The following SI variants were observed in gnomAD, a reference collection of about 807,000 sequenced individuals.
The protein encoded by SI is sucrase-isomaltase, intestinal.
Under a neutral mutation model 253.3 loss-of-function variants are expected in SI, and 235 were observed. The ratio of observed to expected loss-of-function variants is 0.93; its 90% CI spans 0.83 to 1.03. The LOEUF is 1.03. Among genes scored for constraint, SI ranks in the 50% least tolerant of loss-of-function variants. The pLI is 0.00. For synonymous variants in SI, 819 were observed against 712.0 expected (o/e 1.15, Z -2.39); for missense variants, 2,442 against 2,211.1 (o/e 1.10, Z -2.09).
rs368407177 is a variant in SI at position 165,018,010 on chromosome 3, G to T, written c.3480C>A (p.Gly1160=). 2 of 1,611,648 alleles carry T rather than the reference G, an allele frequency of 1.2e-6. No homozygotes were observed. Among genetic ancestry groups the T allele is most frequent in the African/African-American group, 2.7e-5 (2 of 74,814 alleles). Residue 1160 remains glycine (G), a synonymous_variant, in exon 29 of 48, where the codon GGC becomes GGA. Transcript: ENST00000264382. ...TGAGTAAGAAAACACCATGAGCATTGCCCTCCTCTTCCAGAGCCATGTAAT... is the reference window on the plus strand; with the variant it reads ...TGAGTAAGAAAACACCATGAGCATTTCCCTCCTCTTCCAGAGCCATGTAAT... ...HPYYMALEEE[G]NAHGVFLLNS...
intron 37 of SI, among the ~76,000 whole-genome samples, chr3:165,006,499 A>T (rs2108154218): frequency 6.6e-6 from 1 of 152,310 alleles, no homozygotes; most frequent in Admixed American, 6.5e-5. Flanking sequence ...TTCATTTATA[A>T]ATATTAATCC....
intron 22 of SI, 70 bp from the exon 23 acceptor site, chr3:165,033,514 A>C: frequency 7.6e-7 from 1 of 1,323,370 alleles, no homozygotes. Flanking sequence ...TTACACTTAT[A>C]CAACACTTAA....
At chr3:165,077,944 A>C (rs1715108924) in intron 1 of SI, among the ~76,000 whole-genome samples, 1 of 151,534 alleles carries the variant, frequency 6.6e-6, no homozygotes. Flanking sequence ...ATATATATTG[A>C]TACCCTTTCT....
chr3:164,997,020 T>A (rs1005328444), intron 38 of SI, among the ~76,000 whole-genome samples: 7 of 151,738 alleles, frequency 4.6e-5, no homozygotes, highest in Non-Finnish European at 7.4e-5. Context: ...AGGTGACATA[T>A]TCAGACAACA....
intron 12 of SI, among the ~76,000 whole-genome samples, chr3:165,057,971 G>T (rs1403910314): frequency 6.6e-6 from 1 of 151,776 alleles, no homozygotes; most frequent in African/African-American, 2.4e-5. Context: ...GTATCCTATG[G>T]CTACAGACAT....
chr3:165,022,106 G>C (rs145129938), intron 26 of SI, among the ~76,000 whole-genome samples: 1 of 151,476 alleles, frequency 6.6e-6, no homozygotes, highest in East Asian at 1.9e-4. Context: ...AGTTTCTTCT[G>C]TTAAATATCT....
intron 33 of SI, 60 bp downstream of exon 33, chr3:165,015,063 G>A: frequency 7.6e-7 from 1 of 1,313,728 alleles, no homozygotes; most frequent in East Asian, 2.5e-5. Context: ...TAATTAAATG[G>A]AAACTTTCAT....
Position 165,069,277 on chromosome 3 carries a change from T to G in SI, c.256-82A>C, listed in dbSNP as rs547321354. On this transcript the variant is annotated intron_variant, in intron 3 of 47. Coordinates refer to ENST00000264382, the MANE Select transcript of SI (RefSeq NM_001041.4). ...TCTCTGTTTTTCCAAGGAATGAATATTTTAAAATAATCTAACTTTTTCAAA... is the reference window on the plus strand; with the variant it reads ...TCTCTGTTTTTCCAAGGAATGAATAGTTTAAAATAATCTAACTTTTTCAAA... 15 of 965,664 alleles carry G rather than the reference T, an allele frequency of 1.6e-5. No individual in the cohort carries two copies. The South Asian group carries it at 1.9e-4, about 12-fold the overall frequency. The allele number at this position is 965,664 out of a possible 1,614,324, so 59.8% of individuals were successfully genotyped here.
chr3:165,013,659 G>T (rs1718878014), intron 33 of SI, among the ~76,000 whole-genome samples: 1 of 152,054 alleles, frequency 6.6e-6, no homozygotes. Context: ...CTATATTGTA[G>T]AAGTTTGAAA....
intron 32 of SI, 26 bp downstream of exon 32, chr3:165,015,926 G>A (rs1383381653): frequency 1.3e-6 from 2 of 1,587,612 alleles, no homozygotes; most frequent in Non-Finnish European, 1.7e-6. Context: ...CAAGAAATAA[G>A]ACTCAGGTAA....
rs560794159 is a variant in SI at position 165,044,402 on chromosome 3, C to T, written c.1888-1227G>A. ...AAGCACTATATAGCACACGAAGATT[C>T]CCCTTCTTCATTTTCTTGCCAATTC... On this transcript the variant is annotated intron_variant, in intron 16 of 47. Transcript: ENST00000264382. Among the ~76,000 whole-genome samples, 39 of 151,958 alleles carry T rather than the reference C, an allele frequency of 2.6e-4. No individual in the cohort carries two copies. The South Asian group carries it at 7.9e-3, about 31-fold the overall frequency.
At chr3:165,024,771 TG>T (rs1711815035) in intron 25 of SI, among the ~76,000 whole-genome samples, 1 of 151,308 alleles carries the variant, frequency 6.6e-6, no homozygotes, top group Non-Finnish European at 1.5e-5. Flanking sequence ...GTAACTTCTC[TG>T]ACTACTGTTC....
intron 13 of SI, among the ~76,000 whole-genome samples, chr3:165,050,277 C>T (rs181845926): frequency 1.4e-4 from 21 of 152,180 alleles, no homozygotes; most frequent in Admixed American, 1.2e-3. Context: ...AAGCACATTG[C>T]TAGCAGCAAA....
rs761260316 is a variant in SI, at chr3:165,021,382, A to G, written c.3101T>C (p.Ile1034Thr). The change falls in exon 27 of 48, where the codon ATT (isoleucine) becomes ACT (threonine). Residue 1034 changes from isoleucine (I) to threonine (T), a missense_variant and splice_region_variant. Ile to Thr is a moderately conservative substitution (Grantham distance 89). Coordinates refer to ENST00000264382, the MANE Select transcript of SI (RefSeq NM_001041.4). ...ATATCTCTTCTTTTGGGGATCATAAATCTATTGCAGATAAGTAGTAAAAAA... is the reference window on the plus strand; with the variant it reads ...ATATCTCTTCTTTTGGGGATCATAAGTCTATTGCAGATAAGTAGTAAAAAA... ...YHKNDMLQFKIYDPQKKRYEV... is the reference protein window; with the variant it reads ...YHKNDMLQFKTYDPQKKRYEV... 1 of 1,609,372 alleles carries G rather than the reference A, an allele frequency of 6.2e-7. No individual in the cohort carries two copies.
At chr3:165,067,218 A>G (rs564042239) in intron 6 of SI, 122 bp downstream of exon 6, 1 of 696,218 alleles carries the variant, frequency 1.4e-6, no homozygotes, top group South Asian at 2.3e-5. Flanking sequence ...AATTTTTATA[A>G]ACCTATCCAC....
intron 11 of SI, 42 bp downstream of exon 11, chr3:165,059,126 G>C: frequency 7.9e-7 from 1 of 1,262,954 alleles, no homozygotes; most frequent in Non-Finnish European, 1.1e-6. Flanking sequence ...TAACTTACAC[G>C]TGTAAACACT....
chr3:165,028,250 A>G (rs755546318), intron 25 of SI, among the ~76,000 whole-genome samples: 1 of 151,502 alleles, frequency 6.6e-6, no homozygotes, highest in Non-Finnish European at 1.5e-5. Context: ...GAGGTGAAAG[A>G]CCTCTACAAG....
At chr3:165,035,448 T>C (rs992116389) in intron 22 of SI, among the ~76,000 whole-genome samples, 21 of 151,828 alleles carry the variant, frequency 1.4e-4, no homozygotes, top group African/African-American at 5.1e-4. Flanking sequence ...TTTAAATGAA[T>C]GTTAACTGAG....
chr3:164,988,113 A>T (rs1717530520), intron 44 of SI, among the ~76,000 whole-genome samples: 1 of 152,192 alleles, frequency 6.6e-6, no homozygotes, highest in African/African-American at 2.4e-5. Context: ...AATCCTTGAG[A>T]AGCAACTTGA....
Sources: gnomAD v4.1 joint callset for allele counts (sites outside exome capture counted in the v4.1 genomes callset) on GRCh38, gnomAD v4.1.1 for gene constraint, MANE v1.5 for transcripts, NCBI Gene and HGNC (gene_info 2026-07-23, HGNC 2026-07-21) for gene names.